The following PHF8 variants were observed in gnomAD, a reference collection of about 807,000 sequenced individuals.
PHF8 encodes histone lysine demethylase PHF8.
In PHF8, 9 loss-of-function variants were observed where a neutral mutation model predicts 74.4. The ratio of observed to expected loss-of-function variants is 0.12; its 90% CI spans 0.07 to 0.21. The LOEUF is 0.21. PHF8 is among the 10% of genes least tolerant of loss of function. The probability of loss-of-function intolerance (pLI) is 1.00; values close to 1 mark genes in which losing one functional copy is unlikely to be tolerated. For missense variants in PHF8, 478 were observed against 816.6 expected, an observed-to-expected ratio of 0.59 and a Z score of 5.05; for synonymous variants, 311 against 316.6, an observed-to-expected ratio of 0.98 and a Z score of 0.19.
At chrX:54,018,453 CTTTTTTTTTTT>C (rs781948184) in intron 4 of PHF8, among the ~76,000 whole-genome samples, 1 of 76,699 alleles carries the variant, frequency 1.3e-5, no homozygotes, top group Non-Finnish European at 2.6e-5. Context: ...GAGTCCCTGT[CTTTTTTTTTTT>C]TTTTTTTTTA....
chrX:53,990,911 G>A (rs1319752687), intron 14 of PHF8, among the ~76,000 whole-genome samples: 2 of 111,555 alleles, frequency 1.8e-5, no homozygotes, highest in Non-Finnish European at 3.8e-5. Flanking sequence ...CCATCTTCAT[G>A]GAGAATTCTT....
At chrX:53,991,498 C>A (rs2065659979) in intron 14 of PHF8, among the ~76,000 whole-genome samples, 2 of 108,946 alleles carry the variant, frequency 1.8e-5, no homozygotes, top group African/African-American at 6.7e-5. Context: ...CCTGTCTCTA[C>A]TAAAAATACA....
chrX:54,046,668 G>A (rs1800576076), upstream of PHF8, among the ~76,000 whole-genome samples: 1 of 109,918 alleles, frequency 9.1e-6, no homozygotes, highest in Non-Finnish European at 1.9e-5. Flanking sequence ...CCTTCACCTG[G>A]GTAATAATTA....
Position 53,994,033 on chromosome X carries a change from C to T in PHF8, c.1324-130G>A, listed in dbSNP as rs75006780. The T allele has an allele frequency of 2.3e-5, 11 of 487,181 alleles. No homozygotes were observed. The East Asian group carries it at 3.3e-4, about 15-fold the overall frequency. 40.1% of individuals were successfully genotyped at this position (487,181 alleles called of 1,213,427 possible). A position where few individuals can be genotyped will look rare whatever the true frequency, so the allele number is the denominator to read the frequency against. On this transcript the variant is annotated intron_variant, in intron 12 of 21. Transcript: ENST00000338154. The stretch of plus-strand genomic sequence containing the variant: ...GGCTTATAGATGCTCCACATATGCA[C>T]ACCCTAGCTTTTACATAATGAGTCA...
chrX:53,989,493 T>A (rs2065625273), intron 14 of PHF8, among the ~76,000 whole-genome samples: 1 of 107,622 alleles, frequency 9.3e-6, no homozygotes, highest in African/African-American at 3.4e-5. Context: ...AAAACCTCAA[T>A]GGCTACAGTC....
At chrX:53,958,223 G>C (rs1198432463) in intron 19 of PHF8, among the ~76,000 whole-genome samples, 1 of 107,584 alleles carries the variant, frequency 9.3e-6, no homozygotes, top group Non-Finnish European at 1.9e-5. Context: ...TGTATTTTTA[G>C]TAGAGACGGG....
intron 18 of PHF8, among the ~76,000 whole-genome samples, chrX:53,981,986 G>A (rs1557098132): frequency 8.9e-6 from 1 of 112,265 alleles, no homozygotes; most frequent in African/African-American, 3.2e-5. Context: ...CTCAACAGCA[G>A]CCTCGAAATT....
At chrX:54,025,301 A>C (rs1196321315) in intron 2 of PHF8, among the ~76,000 whole-genome samples, 1 of 111,146 alleles carries the variant, frequency 9.0e-6, no homozygotes, top group Non-Finnish European at 1.9e-5. Context: ...ATTGTGCTAG[A>C]GCCCTTATAG....
At chrX:54,000,011 G>C (rs1569527862) in intron 10 of PHF8, 50 bp from the exon 11 acceptor site, 1 of 821,224 alleles carries the variant, frequency 1.2e-6, no homozygotes, top group Admixed American at 2.3e-5. Flanking sequence ...ATGCAGGAAA[G>C]TGAAGGACTT....
chrX:54,016,499 A>C, intron 6 of PHF8, 96 bp downstream of exon 6: 1 of 815,476 alleles, frequency 1.2e-6, no homozygotes, highest in African/African-American at 2.0e-5. Context: ...GTCTCAAAAA[A>C]AAAAAAAAAG....
rs1468215228 is a variant in PHF8, at chrX:53,944,751, T to C, written c.2540-508A>G. On this transcript the variant is annotated intron_variant, in intron 19 of 21. Transcript: ENST00000338154. Reference sequence around the variant, plus strand: ...GAACAATAAGCCAGGCCAGGTGCAGTGGCTCACACCTGTAATTCCAGCACT... The same window carrying C: ...GAACAATAAGCCAGGCCAGGTGCAGCGGCTCACACCTGTAATTCCAGCACT... 2.7e-5 allele frequency among the ~76,000 whole-genome samples: 3 copies of C among 112,473 alleles called. No individual in the cohort carries two copies. The East Asian group carries it at 8.4e-4, about 32-fold the overall frequency.
At chrX:54,044,816 C>T, upstream of PHF8, 1 of 1,055,604 alleles carries the variant, frequency 9.5e-7, no homozygotes, top group Non-Finnish European at 1.3e-6. Flanking sequence ...CTCCAAACTA[C>T]AAAATTAATA....
At chrX:54,041,555 G>A (rs903512268) in intron 2 of PHF8, among the ~76,000 whole-genome samples, 1 of 111,176 alleles carries the variant, frequency 9.0e-6, no homozygotes, top group Non-Finnish European at 1.9e-5. Context: ...TCTTTCCATA[G>A]CTGAGATTTA....
At chrX:53,949,269 A>C (rs1040221978) in intron 19 of PHF8, among the ~76,000 whole-genome samples, 1 of 110,495 alleles carries the variant, frequency 9.1e-6, no homozygotes, top group Admixed American at 9.7e-5. Flanking sequence ...CCGAGGGCAG[A>C]GATTGCAGTG....
chrX:53,990,825 T>C (rs1008409917), intron 14 of PHF8, among the ~76,000 whole-genome samples: 2 of 111,700 alleles, frequency 1.8e-5, no homozygotes, highest in African/African-American at 6.5e-5. Context: ...TAGCCCTTAC[T>C]GCCTTCCCCT....
intron 20 of PHF8, among the ~76,000 whole-genome samples, chrX:53,942,263 C>T (rs1395133995): frequency 2.7e-5 from 3 of 111,818 alleles, no homozygotes; most frequent in Non-Finnish European, 3.8e-5. Context: ...AAAAAGCTAA[C>T]AGGCCTATAG....
At chrX:53,989,425 T>A (rs2065624574) in intron 14 of PHF8, among the ~76,000 whole-genome samples, 1 of 109,079 alleles carries the variant, frequency 9.2e-6, no homozygotes, top group African/African-American at 3.4e-5. Context: ...AACTCAAAAG[T>A]GGCTTAGATA....
At chrX:53,988,387 T>C (rs900432779) in intron 14 of PHF8, among the ~76,000 whole-genome samples, 1 of 111,461 alleles carries the variant, frequency 9.0e-6, no homozygotes, top group African/African-American at 3.3e-5. Flanking sequence ...TGGACCCTTA[T>C]CTCACATCAT....
At chrX:54,002,417 T>C (rs1391452261) in intron 9 of PHF8, among the ~76,000 whole-genome samples, 156 bp from the exon 10 acceptor site, 1 of 112,247 alleles carries the variant, frequency 8.9e-6, no homozygotes, top group African/African-American at 3.2e-5. Flanking sequence ...TCAAAGGTTA[T>C]ATAACTTGCC....
Sources: allele counts gnomAD v4.1 joint callset (sites outside exome capture counted in the v4.1 genomes callset), GRCh38; gene constraint gnomAD v4.1.1; transcripts MANE v1.5; gene names NCBI Gene and HGNC (gene_info 2026-07-23, HGNC 2026-07-21).